The following APP variants were observed in gnomAD, a reference collection of about 807,000 sequenced individuals.
APP encodes the protein amyloid-beta precursor protein.
Under a neutral mutation model 101.4 loss-of-function variants are expected in APP, and 31 were observed. The observed-to-expected ratio is 0.31, with a 90% CI of 0.23 to 0.41. APP has a LOEUF of 0.41. APP is among the 10% of genes least tolerant of loss of function. APP has a pLI of 1.00. For synonymous variants in APP, 366 were observed against 364.4 expected (o/e 1.00, Z -0.05); for missense variants, 839 against 1,003.7 (o/e 0.84, Z 2.22).
intron 1 of APP, among the ~76,000 whole-genome samples, chr21:26,132,206 T>C (rs768987672): frequency 1.2e-4 from 19 of 152,292 alleles, no homozygotes; most frequent in Non-Finnish European, 2.5e-4. Flanking sequence ...CAGCCTCACA[T>C]AGGGAGACCC....
At chr21:26,112,249 T>C (rs747120776) in intron 1 of APP, 103 bp from the exon 2 acceptor site, 26 of 1,270,158 alleles carry the variant, frequency 2.0e-5, no homozygotes, top group Non-Finnish European at 3.0e-5. Context: ...TTCTTGCTCA[T>C]TCTCAATTAG....
intron 1 of APP, among the ~76,000 whole-genome samples, chr21:26,139,503 T>A (rs2062994721): frequency 1.3e-5 from 2 of 152,210 alleles, no homozygotes; most frequent in South Asian, 4.1e-4. Context: ...GAAAACGGTT[T>A]GAGAACTATG....
chr21:26,024,003 C>A (rs2044460466), intron 5 of APP, among the ~76,000 whole-genome samples: 1 of 152,012 alleles, frequency 6.6e-6, no homozygotes, highest in Non-Finnish European at 1.5e-5. Flanking sequence ...ATTTGGATGG[C>A]AAAAGAAGGG....
chr21:26,093,998 C>T (rs1166390556), intron 2 of APP, among the ~76,000 whole-genome samples: 1 of 152,026 alleles, frequency 6.6e-6, no homozygotes, highest in African/African-American at 2.4e-5. Context: ...CCTGTTAAGT[C>T]CCAGCTACTC....
At chr21:26,087,960 T>G (rs1232932307) in intron 3 of APP, among the ~76,000 whole-genome samples, 2 of 152,210 alleles carry the variant, frequency 1.3e-5, no homozygotes, top group African/African-American at 4.8e-5. Context: ...TTTATATCCT[T>G]TATTACTTGT....
At chr21:25,903,310 A>C (rs2038606759) in intron 15 of APP, among the ~76,000 whole-genome samples, 1 of 150,058 alleles carries the variant, frequency 6.7e-6, no homozygotes, top group African/African-American at 2.5e-5. Flanking sequence ...CAGAGGTTGC[A>C]GTGAGTTGAG....
At position 25,881,210 on chromosome 21, in the gene APP, T is replaced by C. The variant is rs202194773; in HGVS notation, c.*460A>G. ...TAAAAATGTTTAACTTTAAAATGCA[T>C]AGTGATCAGGAAAGGAATACTTAGG... On this transcript the variant is annotated 3_prime_UTR_variant, in exon 18 of 18. Coordinates refer to ENST00000346798, the MANE Select transcript of APP (RefSeq NM_000484.4). 2 of 207,978 alleles carry C rather than the reference T, an allele frequency of 9.6e-6. No individual in the cohort carries two copies. Among genetic ancestry groups the C allele is most frequent in the Admixed American group, 5.3e-5 (1 of 18,900 alleles). 12.9% of individuals were successfully genotyped at this position (207,978 alleles called of 1,614,324 possible). A position where few individuals can be genotyped will look rare whatever the true frequency, so the allele number is the denominator to read the frequency against.
intron 6 of APP, among the ~76,000 whole-genome samples, chr21:26,020,099 A>C (rs2044272999): frequency 6.6e-6 from 1 of 152,230 alleles, no homozygotes; most frequent in Non-Finnish European, 1.5e-5. Context: ...TGTTTAATTC[A>C]GAATAATCTC....
chr21:25,978,263 C>T (rs1366341501), intron 9 of APP, among the ~76,000 whole-genome samples: 1 of 152,212 alleles, frequency 6.6e-6, no homozygotes, highest in East Asian at 1.9e-4. Flanking sequence ...TAAGACTCTA[C>T]TGCAAATGAA....
At chr21:25,969,242 A>G (rs2041913974) in intron 11 of APP, among the ~76,000 whole-genome samples, 1 of 145,196 alleles carries the variant, frequency 6.9e-6, no homozygotes, top group Non-Finnish European at 1.5e-5. Context: ...CAGCTACTTG[A>G]GAGGCTGAGG....
intron 9 of APP, among the ~76,000 whole-genome samples, chr21:25,982,083 T>C (rs2042454448): frequency 6.6e-6 from 1 of 152,240 alleles, no homozygotes. Context: ...GCCAAGTACC[T>C]TTCTTCGCCA....
At chr21:25,996,974 A>ACCTAGC (rs1464687250) in intron 8 of APP, among the ~76,000 whole-genome samples, 1 of 152,202 alleles carries the variant, frequency 6.6e-6, no homozygotes, top group East Asian at 1.9e-4. Context: ...CTTCCACTGC[A>ACCTAGC]CCTAGCCCTT....
At chr21:25,996,413 C>G (rs1433424624) in intron 8 of APP, among the ~76,000 whole-genome samples, 1 of 150 alleles carries the variant, frequency 6.7e-3, no homozygotes, top group South Asian at 0.25. Flanking sequence ...ACTACAATAC[C>G]ATGAATATTA....
intron 11 of APP, among the ~76,000 whole-genome samples, chr21:25,973,943 T>TTAAA (rs1555833315): frequency 1.8e-5 from 2 of 111,114 alleles, no homozygotes; most frequent in African/African-American, 7.6e-5. Flanking sequence ...CCATCTCATT[T>TTAAA]AAAAAAAAAA....
chr21:25,949,254 A>C (rs2040961582), intron 13 of APP, among the ~76,000 whole-genome samples: 1 of 152,232 alleles, frequency 6.6e-6, no homozygotes, highest in Non-Finnish European at 1.5e-5. Context: ...GAATAGCTTC[A>C]GACTGTGGTT....
chr21:25,979,860 T>TA (rs55789851), intron 9 of APP, among the ~76,000 whole-genome samples: 152,043 of 152,044 alleles, frequency 1, 76,021 homozygotes, highest in Non-Finnish European at 1. Context: ...GTAGCAGGCT[T>TA]CATGACTTGA....
At chr21:25,973,174 AGAG>A (rs1330306273) in intron 11 of APP, among the ~76,000 whole-genome samples, 4 of 151,690 alleles carry the variant, frequency 2.6e-5, no homozygotes, top group Non-Finnish European at 5.9e-5. Context: ...CAAAAAAAAA[AGAG>A]GAAAAAAGAA....
At position 25,979,899 on chromosome 21, in the gene APP, A is replaced by C. The variant is rs545916821; in HGVS notation, c.1224+2445T>G. On this transcript the variant is annotated intron_variant, in intron 9 of 17. Transcript: ENST00000346798. ...CTCAAGGTTTCTATCCAGCTTGGAA[A>C]GATAATGCAGGTGTGTCCAGAAATC... 1.4e-4 allele frequency among the ~76,000 whole-genome samples: 22 copies of C among 152,148 alleles called. No individual in the cohort carries two copies. The South Asian group carries it at 3.1e-3, about 22-fold the overall frequency.
chr21:25,970,222 A>G (rs1321366787), intron 11 of APP, among the ~76,000 whole-genome samples: 1 of 152,136 alleles, frequency 6.6e-6, no homozygotes, highest in Non-Finnish European at 1.5e-5. Flanking sequence ...CAACCACTCT[A>G]AAATTATCCC....
Sources: gnomAD v4.1 joint callset for allele counts (sites outside exome capture counted in the v4.1 genomes callset) on GRCh38, gnomAD v4.1.1 for gene constraint, MANE v1.5 for transcripts, NCBI Gene and HGNC (gene_info 2026-07-23, HGNC 2026-07-21) for gene names.